Variants in ATE1 observed in about 807,000 individuals in gnomAD.
ATE1 encodes arginyl-tRNA--protein transferase 1.
In ATE1, 36 loss-of-function variants were observed where a neutral mutation model predicts 70.5. The observed-to-expected ratio is 0.51, with a 90% CI of 0.39 to 0.67. The LOEUF is 0.67. Ranked by LOEUF, ATE1 falls within the 30% of genes least tolerant of loss-of-function variation. The probability of loss-of-function intolerance (pLI) is 0.00; values close to 1 mark genes in which losing one functional copy is unlikely to be tolerated. For missense variants in ATE1, 593 were observed against 629.5 expected, an observed-to-expected ratio of 0.94 and a Z score of 0.62; for synonymous variants, 232 against 219.3, an observed-to-expected ratio of 1.06 and a Z score of -0.51.
chr10:121,816,505 C>A (rs2133535504), intron 10 of ATE1, among the ~76,000 whole-genome samples: 1 of 152,244 alleles, frequency 6.6e-6, no homozygotes, highest in South Asian at 2.1e-4. Context: ...CAGGTAAGGG[C>A]ACTGTGTTTG....
intron 8 of ATE1, among the ~76,000 whole-genome samples, chr10:121,869,239 A>G (rs1452183650): frequency 6.6e-6 from 1 of 152,192 alleles, no homozygotes; most frequent in Admixed American, 6.5e-5. Flanking sequence ...GATTTACCCA[A>G]TGTCATATAG....
At chr10:121,837,767 A>G (rs189523514) in intron 9 of ATE1, among the ~76,000 whole-genome samples, 6 of 152,310 alleles carry the variant, frequency 3.9e-5, no homozygotes, top group African/African-American at 9.6e-5. Flanking sequence ...ATATTAGCCT[A>G]TAACAGAATA....
intron 11 of ATE1, among the ~76,000 whole-genome samples, chr10:121,763,670 G>A (rs951071571): frequency 2.0e-5 from 3 of 152,136 alleles, no homozygotes; most frequent in East Asian, 1.9e-4. Context: ...TAGGATACAC[G>A]TCATACATGT....
chr10:121,863,414 G>A (rs541597829), intron 8 of ATE1, among the ~76,000 whole-genome samples: 5 of 151,336 alleles, frequency 3.3e-5, no homozygotes, highest in African/African-American at 9.7e-5. Flanking sequence ...CCACCACACC[G>A]GCTAATTTTT....
intron 3 of ATE1, among the ~76,000 whole-genome samples, chr10:121,918,271 T>A (rs1408982254): frequency 6.6e-6 from 1 of 151,830 alleles, no homozygotes; most frequent in East Asian, 1.9e-4. Flanking sequence ...AGGCGGAGGT[T>A]TCAGTGAGCA....
intron 10 of ATE1, among the ~76,000 whole-genome samples, chr10:121,809,463 G>GA (rs371813960): frequency 6.6e-6 from 1 of 152,020 alleles, no homozygotes; most frequent in African/African-American, 2.4e-5. Context: ...GAATATGGGG[G>GA]AAAAAACACA....
chr10:121,928,332 G>A (rs1475032756), upstream of ATE1: 1 of 1,518,590 alleles, frequency 6.6e-7, no homozygotes, highest in Non-Finnish European at 8.8e-7. Context: ...CAACTCCGGC[G>A]TCGGGAACAC....
At chr10:121,906,528 CAAAAT>C (rs372290142) in intron 5 of ATE1, among the ~76,000 whole-genome samples, 6 of 145,940 alleles carry the variant, frequency 4.1e-5, no homozygotes, top group Non-Finnish European at 7.5e-5. Flanking sequence ...GACCCTGTCT[CAAAAT>C]AAAATAAAAT....
intron 11 of ATE1, 71 bp downstream of exon 11, chr10:121,790,098 C>A: frequency 6.3e-7 from 1 of 1,593,520 alleles, no homozygotes; most frequent in Non-Finnish European, 8.5e-7. Context: ...CTGTTAAGAG[C>A]CACAGCCACA....
intron 10 of ATE1, among the ~76,000 whole-genome samples, chr10:121,814,285 G>T (rs1323827157): frequency 6.6e-6 from 1 of 152,196 alleles, no homozygotes; most frequent in Non-Finnish European, 1.5e-5. Flanking sequence ...GACAGGAAGG[G>T]ATCAGGAAGA....
At chr10:121,872,453 C>T (rs554129946) in intron 7 of ATE1, among the ~76,000 whole-genome samples, 7 of 152,260 alleles carry the variant, frequency 4.6e-5, no homozygotes, top group African/African-American at 1.2e-4. Flanking sequence ...CCTATTCCCA[C>T]GACATGAAAA....
chr10:121,786,952 T>C (rs1187613769), intron 11 of ATE1, among the ~76,000 whole-genome samples: 2 of 152,182 alleles, frequency 1.3e-5, no homozygotes, highest in Non-Finnish European at 2.9e-5. Context: ...TGAGAAACTT[T>C]TGAACCCCTT....
chr10:121,847,796 G>A (rs1305591721), intron 8 of ATE1, among the ~76,000 whole-genome samples: 1 of 150,264 alleles, frequency 6.7e-6, no homozygotes, highest in Non-Finnish European at 1.5e-5. Context: ...AACAGGCCAG[G>A]CGTGGTGGCT....
In ATE1 at chr10:121,819,679, C is replaced by CCAAA. The variant is rs1448101842; in HGVS notation, c.1257+17038_1257+17039insTTTG. Among the ~76,000 whole-genome samples, 5 of 52,722 alleles carry CCAAA rather than the reference C, an allele frequency of 9.5e-5. 1 individual carries two copies. The highest frequency in any genetic ancestry group is 4.4e-4 in the African/African-American group (5 of 11,432). 34.6% of individuals were successfully genotyped at this position (52,722 alleles called of 152,430 possible). A position where few individuals can be genotyped will look rare whatever the true frequency, so the allele number is the denominator to read the frequency against. On this transcript the variant is annotated intron_variant, in intron 10 of 11. Transcript: ENST00000224652. The stretch of plus-strand genomic sequence containing the variant: ...CCTGGGTGACAGAGCAAGACTGTCT[C>CCAAA]AAAAAAAAAAAAAAAAAAAAAAGAC...
chr10:121,910,805 G>T, intron 5 of ATE1, 101 bp downstream of exon 5: 1 of 1,504,658 alleles, frequency 6.6e-7, no homozygotes, highest in South Asian at 1.2e-5. Context: ...CAGACTGCAC[G>T]ACTAAGTCAT....
intron 8 of ATE1, among the ~76,000 whole-genome samples, chr10:121,869,276 C>T (rs374918622): frequency 5.9e-5 from 9 of 152,238 alleles, no homozygotes; most frequent in East Asian, 3.8e-4. Flanking sequence ...AGGTCTTACC[C>T]GGTTTCGGTT....
At chr10:121,845,336 G>A (rs1003639323) in intron 8 of ATE1, among the ~76,000 whole-genome samples, 2 of 152,116 alleles carry the variant, frequency 1.3e-5, no homozygotes, top group African/African-American at 4.8e-5. Context: ...TGATATTGCA[G>A]CAATAACAGA....
intron 1 of ATE1, chr10:121,927,201 T>C: frequency 1.0e-6 from 1 of 985,456 alleles, no homozygotes; most frequent in Non-Finnish European, 1.2e-6. Flanking sequence ...ACTTGTGGGC[T>C]GGCTTTGCTG....
intron 7 of ATE1, among the ~76,000 whole-genome samples, chr10:121,893,309 G>T (rs377370325): frequency 5.3e-5 from 8 of 150,600 alleles, no homozygotes; most frequent in African/African-American, 2.0e-4. Flanking sequence ...TTGTAAAAAC[G>T]TTATGTAGAT....
Sources: allele counts gnomAD v4.1 joint callset (sites outside exome capture counted in the v4.1 genomes callset), GRCh38; gene constraint gnomAD v4.1.1; transcripts MANE v1.5; gene names NCBI Gene and HGNC (gene_info 2026-07-23, HGNC 2026-07-21).